TMEM65: variants seen among roughly 807,000 people sequenced by gnomAD.
TMEM65 encodes the protein transmembrane protein 65.
TMEM65 carries 22 observed loss-of-function variants against 25.4 expected under a neutral mutation model. The observed-to-expected ratio is 0.86, with a 90% CI of 0.62 to 1.23. The LOEUF (loss-of-function observed/expected upper bound fraction) is 1.23, where lower values mean the gene tolerates loss of function less well. TMEM65 is among the 50% of genes most tolerant of loss of function. The pLI, the probability that TMEM65 is intolerant of heterozygous loss-of-function variation, is 0.00. For synonymous variants in TMEM65, 132 were observed against 126.2 expected (o/e 1.05, Z -0.31); for missense variants, 262 against 308.2 (o/e 0.85, Z 1.12).
intron 1 of TMEM65, among the ~76,000 whole-genome samples, chr8:124,333,046 C>A (rs1296299443): frequency 1.3e-5 from 2 of 152,010 alleles, no homozygotes; most frequent in Non-Finnish European, 2.9e-5. Context: ...AGGTGATCCA[C>A]CCACCTCGGC....
chr8:124,323,836 A>T (rs895683573), intron 3 of TMEM65, among the ~76,000 whole-genome samples: 1 of 152,092 alleles, frequency 6.6e-6, no homozygotes, highest in Non-Finnish European at 1.5e-5. Context: ...TCCTTATAAC[A>T]CTTAGCTCTT....
At position 124,313,821 on chromosome 8, in the gene TMEM65, T is replaced by G. The variant is rs1563587706; in HGVS notation, c.*139A>C. ...CCTAAGAAGATCAAGCCACAATAAG[T>G]TAGTGTTTTCCATAATACATGCTAA... On this transcript the variant is annotated 3_prime_UTR_variant, in exon 7 of 7. Transcript: ENST00000297632. 1 of 617,934 alleles carries G rather than the reference T, an allele frequency of 1.6e-6. No individual in the cohort carries two copies. Among genetic ancestry groups the G allele is most frequent in the Non-Finnish European group, 2.8e-6 (1 of 356,406 alleles). The allele number at this position is 617,934 out of a possible 1,614,324, so 38.3% of individuals were successfully genotyped here.
rs1814309922 is a variant in TMEM65, at chr8:124,322,104, C to A, written c.515+1G>T. 1 of 1,605,930 alleles carries A rather than the reference C, an allele frequency of 6.2e-7. No homozygotes were observed. Among genetic ancestry groups the A allele is most frequent in the Non-Finnish European group, 8.5e-7 (1 of 1,175,340 alleles). ...ACAAATGAATAAGTGAATGAACCTACCCAAGTCCAGCTAGATCTGACACAA... is the reference window on the plus strand; with the variant it reads ...ACAAATGAATAAGTGAATGAACCTAACCAAGTCCAGCTAGATCTGACACAA... On this transcript the variant is annotated splice_donor_variant, in intron 5 of 6. Coordinates refer to ENST00000297632, the MANE Select transcript of TMEM65 (RefSeq NM_194291.3). LOFTEE classifies it high-confidence loss of function.
intron 1 of TMEM65, among the ~76,000 whole-genome samples, chr8:124,367,147 T>A (rs1814949015): frequency 6.6e-6 from 1 of 152,190 alleles, no homozygotes; most frequent in African/African-American, 2.4e-5. Flanking sequence ...AGCAAACTAT[T>A]CCCAATCCAT....
intron 2 of TMEM65, 105 bp downstream of exon 2, chr8:124,330,643 G>A (rs185695664): frequency 5.3e-6 from 6 of 1,137,022 alleles, no homozygotes; most frequent in African/African-American, 3.3e-5. Flanking sequence ...CACTCTATCT[G>A]GAAAGATTTA....
intron 1 of TMEM65, among the ~76,000 whole-genome samples, chr8:124,339,222 A>AATATATATATATATATATATATATATAT (rs1209068044): frequency 5.0e-4 from 10 of 19,906 alleles, no homozygotes; most frequent in East Asian, 1.7e-3. Flanking sequence ...AAAAAAAAAA[A>AATATATATATATATATATATATATATAT]ATATATATAT....
At chr8:124,363,005 A>G (rs1814891697) in intron 1 of TMEM65, among the ~76,000 whole-genome samples, 1 of 152,200 alleles carries the variant, frequency 6.6e-6, no homozygotes. Flanking sequence ...AAACCTTTTA[A>G]TTACCACTTT....
chr8:124,310,282 T>C lies in TMEM65; in HGVS notation c.*3678A>G, dbSNP rs976666112. The C allele has an allele frequency of 2.0e-5, 3 of 152,228 alleles. No homozygotes were observed. Among genetic ancestry groups the C allele is most frequent in the Admixed American group, 6.5e-5 (1 of 15,282 alleles). 9.4% of individuals were successfully genotyped at this position (152,228 alleles called of 1,614,324 possible). A position where few individuals can be genotyped will look rare whatever the true frequency, so the allele number is the denominator to read the frequency against. On this transcript the variant is annotated 3_prime_UTR_variant, in exon 7 of 7. Coordinates refer to ENST00000297632, the MANE Select transcript of TMEM65 (RefSeq NM_194291.3). ...GTGCCTTGAACATCCTAGCACATAGTATGTAATAAAGAACACAAGATTTCT... is the reference window on the plus strand; with the variant it reads ...GTGCCTTGAACATCCTAGCACATAGCATGTAATAAAGAACACAAGATTTCT...
intron 1 of TMEM65, among the ~76,000 whole-genome samples, chr8:124,358,062 T>C (rs540651209): frequency 6.6e-6 from 1 of 152,146 alleles, no homozygotes; most frequent in South Asian, 2.1e-4. Flanking sequence ...ACTCCTGACT[T>C]CAGGTGATCC....
chr8:124,366,726 C>CTTTACTTG (rs1310559766), intron 1 of TMEM65, among the ~76,000 whole-genome samples: 4 of 24,126 alleles, frequency 1.7e-4, no homozygotes, highest in Non-Finnish European at 2.9e-4. Flanking sequence ...AAAAAAAAAA[C>CTTTACTTG]TTTACTTGAT....
Position 124,318,381 on chromosome 8 carries a change from T to TTTTTTTTG in TMEM65, c.621+1704_621+1705insCAAAAAAA, listed in dbSNP as rs1563588918. 8.4e-3 allele frequency among the ~76,000 whole-genome samples: 1,090 copies of TTTTTTTTG among 129,418 alleles called. 24 individuals are homozygous for TTTTTTTTG. The highest frequency in any genetic ancestry group is 0.03 in the African/African-American group (993 of 33,358). The allele number at this position is 129,418 out of a possible 152,430, so 84.9% of individuals were successfully genotyped here. ...TTTGCATGTTTTTGTTTTTTTTTTT[T>TTTTTTTTG]TTTTTTTTTTTGAGATGGAGTCTCA... On this transcript the variant is annotated intron_variant, in intron 6 of 6. Coordinates refer to ENST00000297632, the MANE Select transcript of TMEM65 (RefSeq NM_194291.3).
At position 124,336,628 on chromosome 8, in the gene TMEM65, T is replaced by A. The variant is rs192915460; in HGVS notation, c.305-5836A>T. Among the ~76,000 whole-genome samples the A allele has an allele frequency of 2.0e-5, 3 of 151,464 alleles. No homozygotes were observed. In the East Asian group the frequency reaches 5.8e-4, roughly 29 times the overall value. On this transcript the variant is annotated intron_variant, in intron 1 of 6. Transcript: ENST00000297632. ...AAATTAGAAAATATTTCAAACTGAG[T>A]AACAATGAAAATGCAATATATCAAA... is the stretch of plus-strand genomic sequence containing the variant.
Position 124,351,075 on chromosome 8 carries a change from C to T in TMEM65, c.305-20283G>A, listed in dbSNP as rs1004232815. On this transcript the variant is annotated intron_variant, in intron 1 of 6. Coordinates refer to ENST00000297632, the MANE Select transcript of TMEM65 (RefSeq NM_194291.3). ...GGGTCTCTGCTGAGGATACTTCCTT[C>T]GCAAGCTTCACAATGGCAATCTCAG... 10 of 984,912 alleles carry T rather than the reference C, an allele frequency of 1.0e-5. No individual in the cohort carries two copies. The African/African-American group carries it at 1.2e-4, about 12-fold the overall frequency. 61.0% of individuals were successfully genotyped at this position (984,912 alleles called of 1,614,324 possible).
At chr8:124,348,846 G>A (rs939144480) in intron 1 of TMEM65, among the ~76,000 whole-genome samples, 3 of 152,154 alleles carry the variant, frequency 2.0e-5, no homozygotes, top group Non-Finnish European at 4.4e-5. Context: ...AATATGAAGT[G>A]GTCCCTCCCC....
At chr8:124,325,677 T>C (rs1034574076) in intron 3 of TMEM65, among the ~76,000 whole-genome samples, 5 of 151,784 alleles carry the variant, frequency 3.3e-5, no homozygotes, top group Non-Finnish European at 7.4e-5. Context: ...CCTGGAAAAA[T>C]AGTGCACTCT....
chr8:124,368,697 C>A (rs901910166), intron 1 of TMEM65, among the ~76,000 whole-genome samples: 5 of 152,172 alleles, frequency 3.3e-5, no homozygotes, highest in Non-Finnish European at 7.4e-5. Flanking sequence ...CAGCCAACAG[C>A]CATGTGAGTG....
At chr8:124,326,986 A>G (rs573106957) in intron 3 of TMEM65, among the ~76,000 whole-genome samples, 1 of 152,196 alleles carries the variant, frequency 6.6e-6, no homozygotes, top group Admixed American at 6.5e-5. Flanking sequence ...TGAACAAGGA[A>G]CTAAATCAAA....
chr8:124,372,477 G>A lies in TMEM65; in HGVS notation c.-320C>T, dbSNP rs1282429328. The A allele has an allele frequency of 6.3e-6, 1 of 158,186 alleles. No individual in the cohort carries two copies. Among genetic ancestry groups the A allele is most frequent in the Admixed American group, 6.5e-5 (1 of 15,356 alleles). 9.8% of individuals were successfully genotyped at this position (158,186 alleles called of 1,614,324 possible). ...CGCCTCCCGGCTGAGGAGGAGCGGC[G>A]CGGGCGGGCGGGGCGGGCTAGTGTG... is the stretch of plus-strand genomic sequence containing the variant. On this transcript the variant is annotated 5_prime_UTR_variant, in exon 1 of 7. Coordinates refer to ENST00000297632, the MANE Select transcript of TMEM65 (RefSeq NM_194291.3).
chr8:124,372,014 C>G lies in TMEM65; in HGVS notation c.144G>C (p.Pro48=). 1.5e-6 allele frequency: 2 copies of G among 1,309,482 alleles called. No homozygotes were observed. Among genetic ancestry groups the G allele is most frequent in the Non-Finnish European group, 1.9e-6 (2 of 1,026,304 alleles). The allele number at this position is 1,309,482 out of a possible 1,614,324, so 81.1% of individuals were successfully genotyped here. A position where few individuals can be genotyped will look rare whatever the true frequency, so the allele number is the denominator to read the frequency against. Residue 48 remains proline, a synonymous_variant, in exon 1 of 7, where the codon CCG becomes CCC. Transcript: ENST00000297632. The part of the protein sequence containing the change: ...LLALAPPGGL[P]GGPRRLGTHP... ...GCGTGCCCAGCCGCCTGGGGCCGCC[C>G]GGCAAGCCGCCGGGGGGCGCGAGCG... is the stretch of plus-strand genomic sequence containing the variant.
Sources: gnomAD v4.1 joint callset for allele counts (sites outside exome capture counted in the v4.1 genomes callset) on GRCh38, gnomAD v4.1.1 for gene constraint, MANE v1.5 for transcripts, NCBI Gene and HGNC (gene_info 2026-07-23, HGNC 2026-07-21) for gene names.